The following SPAST variants were observed in gnomAD, a reference collection of about 807,000 sequenced individuals.
SPAST encodes the protein spastin.
In SPAST, 30 loss-of-function variants were observed where a neutral mutation model predicts 76.6. The observed-to-expected ratio is 0.39, with a 90% confidence interval of 0.29 to 0.53. The LOEUF is 0.53. Among genes scored for constraint, SPAST ranks in the 20% least tolerant of loss-of-function variants. The pLI, the probability that SPAST is intolerant of heterozygous loss-of-function variation, is 0.68. For missense variants in SPAST, 717 were observed against 770.5 expected (o/e 0.93, Z 0.82); for synonymous variants, 305 against 281.0 (o/e 1.09, Z -0.86).
At chr2:32,117,382 G>A (rs973163684) in intron 7 of SPAST, among the ~76,000 whole-genome samples, 30 of 151,842 alleles carry the variant, frequency 2.0e-4, no homozygotes, top group East Asian at 1.9e-3. Flanking sequence ...TGGAAATGCC[G>A]CTCAAAGAGT....
chr2:32,126,020 C>T (rs1194176107), intron 7 of SPAST, among the ~76,000 whole-genome samples: 1 of 152,148 alleles, frequency 6.6e-6, no homozygotes, highest in Non-Finnish European at 1.5e-5. Flanking sequence ...TGGTCTCGAT[C>T]TCCTGACCTC....
chr2:32,089,832 T>C (rs1469638463), intron 3 of SPAST, among the ~76,000 whole-genome samples: 1 of 152,076 alleles, frequency 6.6e-6, no homozygotes, highest in Non-Finnish European at 1.5e-5. Flanking sequence ...GGCGTGATCT[T>C]GGCTCACTGC....
chr2:32,143,355 A>G lies in SPAST; in HGVS notation c.1556A>G (p.Lys519Arg). ...PNEETRLLLLKNLLCKQGSPL... is the reference protein window; with the variant it reads ...PNEETRLLLLRNLLCKQGSPL... Reference sequence around the variant, plus strand: ...TTTCAGACAAGACTACTTTTGCTTAAAAATCTGTTATGTAAACAAGGAAGT... The same window carrying G: ...TTTCAGACAAGACTACTTTTGCTTAGAAATCTGTTATGTAAACAAGGAAGT... Residue 519 changes from lysine (K) to arginine (R), a missense_variant, in exon 14 of 17, where the codon AAA becomes AGA. Coordinates refer to ENST00000315285, the MANE Select transcript of SPAST (RefSeq NM_014946.4). The G allele has an allele frequency of 6.2e-7, 1 of 1,600,402 alleles. No individual in the cohort carries two copies. Among genetic ancestry groups the G allele is most frequent in the Non-Finnish European group, 8.6e-7 (1 of 1,168,300 alleles).
At chr2:32,145,523 AC>A (rs1271062866) in intron 15 of SPAST, among the ~76,000 whole-genome samples, 1 of 152,216 alleles carries the variant, frequency 6.6e-6, no homozygotes, top group Non-Finnish European at 1.5e-5. Context: ...CAAAAAGAAA[AC>A]TTTAAACAAA....
intron 3 of SPAST, among the ~76,000 whole-genome samples, chr2:32,098,544 C>T (rs1396206866): frequency 1.3e-5 from 2 of 152,108 alleles, no homozygotes; most frequent in Non-Finnish European, 2.9e-5. Context: ...ATCTAACTAC[C>T]TCAGGTTACC....
At chr2:32,138,409 T>C (rs569800480) in intron 12 of SPAST, among the ~76,000 whole-genome samples, 29 of 152,200 alleles carry the variant, frequency 1.9e-4, no homozygotes, top group African/African-American at 6.3e-4. Context: ...CTCATTGTGA[T>C]TTTGATTTGC....
At chr2:32,084,192 G>A (rs928442958) in intron 1 of SPAST, among the ~76,000 whole-genome samples, 4 of 151,708 alleles carry the variant, frequency 2.6e-5, no homozygotes, top group African/African-American at 9.7e-5. Flanking sequence ...GTTTTTTTGA[G>A]ACAGAGTCTT....
In SPAST at chr2:32,112,915, T is replaced by C. The variant is rs187107099; in HGVS notation, c.683-1723T>C. Among the ~76,000 whole-genome samples, 114 of 152,252 alleles carry C rather than the reference T, an allele frequency of 7.5e-4. 1 individual carries two copies. The highest frequency in any genetic ancestry group is 2.7e-3 in the African/African-American group (112 of 41,556). ...TAAACATTGTAAATAAACACTGATG[T>C]TTGTTGCGTAGTATGTAAAAATATT... On this transcript the variant is annotated intron_variant, in intron 4 of 16. Coordinates refer to ENST00000315285, the MANE Select transcript of SPAST (RefSeq NM_014946.4).
chr2:32,064,759 T>G (rs999110196), intron 1 of SPAST, among the ~76,000 whole-genome samples: 6 of 152,254 alleles, frequency 3.9e-5, no homozygotes, highest in African/African-American at 1.4e-4. Context: ...TTGCATCATT[T>G]TAATCAAGAT....
At chr2:32,084,883 G>A (rs1244420768) in intron 1 of SPAST, among the ~76,000 whole-genome samples, 4 of 68,512 alleles carry the variant, frequency 5.8e-5, no homozygotes, top group Admixed American at 2.2e-4. Context: ...GTGAGACTCC[G>A]TCTCAAAAAA....
At chr2:32,105,656 T>C (rs1678291520) in intron 4 of SPAST, among the ~76,000 whole-genome samples, 1 of 152,236 alleles carries the variant, frequency 6.6e-6, no homozygotes, top group African/African-American at 2.4e-5. Flanking sequence ...ATGTCCTTTC[T>C]GTTTGTTAAT....
At chr2:32,101,532 T>A (rs1678125653) in intron 4 of SPAST, among the ~76,000 whole-genome samples, 1 of 152,314 alleles carries the variant, frequency 6.6e-6, no homozygotes, top group African/African-American at 2.4e-5. Context: ...CATGAAGTCC[T>A]TGCCCATGCC....
At chr2:32,096,346 A>G (rs1345661698) in intron 3 of SPAST, among the ~76,000 whole-genome samples, 1 of 151,982 alleles carries the variant, frequency 6.6e-6, no homozygotes, top group Non-Finnish European at 1.5e-5. Context: ...GAGGCAGGAG[A>G]CTCTCTTGAA....
In SPAST at chr2:32,091,668, T is replaced by TA. The variant is rs1163219571; in HGVS notation, c.586+2070dup. 2.4e-4 allele frequency among the ~76,000 whole-genome samples: 36 copies of TA among 151,162 alleles called. 1 individual carries two copies. The highest frequency in any genetic ancestry group is 1.6e-3 in the Admixed American group (24 of 15,188). On this transcript the variant is annotated intron_variant, in intron 3 of 16. Transcript: ENST00000315285. ...TAACACGGTGAAACCCCGTCTCTAGTAAAAAAATACAAAAAACTAGCCAGG... is the reference window on the plus strand; with the variant it reads ...TAACACGGTGAAACCCCGTCTCTAGTAAAAAAAATACAAAAAACTAGCCAGG...
chr2:32,153,187 A>G (rs1041699038), intron 16 of SPAST, among the ~76,000 whole-genome samples: 2 of 152,240 alleles, frequency 1.3e-5, no homozygotes, highest in African/African-American at 4.8e-5. Context: ...AGTTTTTAAA[A>G]TACGGATAAA....
At chr2:32,124,858 A>G (rs143463145) in intron 7 of SPAST, among the ~76,000 whole-genome samples, 1 of 152,354 alleles carries the variant, frequency 6.6e-6, no homozygotes, top group East Asian at 1.9e-4. Flanking sequence ...GGAAACAGTA[A>G]ATAGATCAGT....
At chr2:32,095,846 A>G (rs761551454) in intron 3 of SPAST, among the ~76,000 whole-genome samples, 31 of 152,326 alleles carry the variant, frequency 2.0e-4, no homozygotes, top group Non-Finnish European at 3.8e-4. Flanking sequence ...GGGAGGGTAC[A>G]GGTTGAGACA....
chr2:32,127,393 C>T (rs1051311863), intron 8 of SPAST: 2 of 258,874 alleles, frequency 7.7e-6, no homozygotes, highest in Admixed American at 4.9e-5. Flanking sequence ...GATGGGATTA[C>T]AGGCATGAGC....
intron 4 of SPAST, among the ~76,000 whole-genome samples, chr2:32,111,481 T>C (rs1678605023): frequency 6.6e-6 from 1 of 150,592 alleles, no homozygotes; most frequent in Non-Finnish European, 1.5e-5. Context: ...TACATATACA[T>C]ATAGTTATTT....
Sources: gnomAD v4.1 joint callset for allele counts (sites outside exome capture counted in the v4.1 genomes callset) on GRCh38, gnomAD v4.1.1 for gene constraint, MANE v1.5 for transcripts, NCBI Gene and HGNC (gene_info 2026-07-23, HGNC 2026-07-21) for gene names.